Variants in TBCK observed in about 807,000 individuals in gnomAD.
TBCK encodes the protein TBC1 domain containing kinase.
Under a neutral mutation model 113.4 loss-of-function variants are expected in TBCK, and 99 were observed. That is an observed-to-expected ratio of 0.87 (90% CI 0.74 to 1.03). The LOEUF (loss-of-function observed/expected upper bound fraction) is 1.03. TBCK is among the 50% of genes least tolerant of loss of function. The pLI, the probability that TBCK is intolerant of heterozygous loss-of-function variation, is 0.00. For synonymous variants in TBCK, 369 were observed against 370.8 expected (o/e 1.00, Z 0.05); for missense variants, 1,045 against 1,061.3 (o/e 0.98, Z 0.21).
intron 24 of TBCK, among the ~76,000 whole-genome samples, chr4:106,115,647 G>C (rs541365230): frequency 4.6e-5 from 7 of 152,282 alleles, no homozygotes; most frequent in African/African-American, 1.7e-4. Flanking sequence ...AGAAGGAGAA[G>C]AGACTGAACT....
chr4:106,069,282 A>C (rs1387741601), intron 25 of TBCK, among the ~76,000 whole-genome samples: 9 of 152,156 alleles, frequency 5.9e-5, no homozygotes, highest in Admixed American at 6.5e-5. Context: ...TTTTAGGTCT[A>C]ATATTTAAGT....
intron 23 of TBCK, among the ~76,000 whole-genome samples, chr4:106,164,952 T>C (rs1750197952): frequency 6.6e-6 from 1 of 151,668 alleles, no homozygotes; most frequent in South Asian, 2.1e-4. Context: ...TTTATGGTAA[T>C]AGTATATACA....
At position 106,139,298 on chromosome 4, in the gene TBCK, A is replaced by G. The variant is rs1390134450; in HGVS notation, c.2236-22920T>C. Among the ~76,000 whole-genome samples, 2 of 141,716 alleles carry G rather than the reference A, an allele frequency of 1.4e-5. 1 individual carries two copies. The highest frequency in any genetic ancestry group is 4.0e-4 in the East Asian group (2 of 4,946). The allele number at this position is 141,716 out of a possible 152,430, so 93.0% of individuals were successfully genotyped here. ...AATACAAGGTAAACAAGGTCTCTAA[A>G]GTACTTGTGATATTAACTGTTATTG... On this transcript the variant is annotated intron_variant, in intron 23 of 25. Coordinates refer to ENST00000394708, the MANE Select transcript of TBCK (RefSeq NM_001163435.3).
At chr4:106,216,948 C>T (rs1757014981) in intron 19 of TBCK, among the ~76,000 whole-genome samples, 1 of 152,104 alleles carries the variant, frequency 6.6e-6, no homozygotes, top group Non-Finnish European at 1.5e-5. Context: ...CCTTGATGAA[C>T]ATTGATGCAA....
In TBCK at chr4:106,232,969, T is replaced by C. The variant is rs55956749; in HGVS notation, c.1608A>G (p.Val536=). ...AKFRRVLKAW[V]VSHPDLVYWQ... is the part of the protein sequence containing the mutation. ...AATACACAAGATCAGGATGAGACAC[T>C]ACCCAGGCTTTTAATACACGCCTAA... The change falls in exon 17 of 26, where the codon GTA becomes GTG. Residue 536 remains valine (V), a synonymous_variant. Coordinates refer to ENST00000394708, the MANE Select transcript of TBCK (RefSeq NM_001163435.3). 4.8e-4 allele frequency: 781 copies of C among 1,612,270 alleles called. 2 individuals carry two copies. The African/African-American group carries it at 7.6e-3, about 16-fold the overall frequency.
chr4:106,121,799 A>C (rs1440961209), intron 23 of TBCK, among the ~76,000 whole-genome samples: 2 of 152,236 alleles, frequency 1.3e-5, no homozygotes, highest in African/African-American at 4.8e-5. Flanking sequence ...AAATGAAGGC[A>C]GAAATAAAGA....
chr4:106,132,081 AC>A (rs1474032041), intron 23 of TBCK, among the ~76,000 whole-genome samples: 2 of 152,228 alleles, frequency 1.3e-5, no homozygotes, highest in African/African-American at 4.8e-5. Flanking sequence ...TAAAAGAAAA[AC>A]CAATTTTCTG....
chr4:106,258,540 A>C (rs1762214214), intron 5 of TBCK, among the ~76,000 whole-genome samples: 1 of 152,078 alleles, frequency 6.6e-6, no homozygotes, highest in South Asian at 2.1e-4. Context: ...CCAAAGGGTA[A>C]CACAAGACCA....
intron 2 of TBCK, among the ~76,000 whole-genome samples, chr4:106,308,467 G>C (rs1767780295): frequency 6.6e-6 from 1 of 152,098 alleles, no homozygotes; most frequent in Non-Finnish European, 1.5e-5. Flanking sequence ...TGGCATGAAG[G>C]GTTAAATTAG....
chr4:106,304,178 C>CT (rs1282667319), intron 2 of TBCK, among the ~76,000 whole-genome samples: 1 of 152,134 alleles, frequency 6.6e-6, no homozygotes, highest in South Asian at 2.1e-4. Context: ...AGTGGTCACC[C>CT]TGCAGGCTAT....
intron 3 of TBCK, among the ~76,000 whole-genome samples, chr4:106,282,687 C>G (rs1256864228): frequency 6.6e-6 from 1 of 152,042 alleles, no homozygotes; most frequent in Non-Finnish European, 1.5e-5. Flanking sequence ...TCTGTTCTCA[C>G]ATTGCTACAA....
chr4:106,244,737 C>T lies in TBCK; in HGVS notation c.959G>A (p.Arg320Lys). The stretch of plus-strand genomic sequence containing the variant: ...AAGGTAATACACTTCTTCAATAGAT[C>T]TTTCTGCCAGGTAATCATTATTTAT... ...KDINNDYLAE[R>K]SIEEVYYLWC... is the part of the protein sequence containing the mutation. The change falls in exon 11 of 26, where the codon AGA becomes AAA. Residue 320 changes from arginine (R) to lysine (K), a missense_variant. Arg to Lys is a conservative substitution (Grantham distance 26, BLOSUM62 2). Transcript: ENST00000394708. 1 of 1,593,970 alleles carries T rather than the reference C, an allele frequency of 6.3e-7. No individual in the cohort carries two copies. The highest frequency in any genetic ancestry group is 8.6e-7 in the Non-Finnish European group (1 of 1,168,268).
rs549969223 is a variant in TBCK, at chr4:106,209,841, T to A, written c.1860+2909A>T. Among the ~76,000 whole-genome samples the A allele has an allele frequency of 3.0e-4, 46 of 152,276 alleles. 1 individual carries two copies. The highest frequency in any genetic ancestry group is 2.5e-3 in the South Asian group (12 of 4,826). On this transcript the variant is annotated intron_variant, in intron 20 of 25. Coordinates refer to ENST00000394708, the MANE Select transcript of TBCK (RefSeq NM_001163435.3). ...TTATATTTATCTCTTATAAGTACTA[T>A]CAAGATAGATTTTCAAAAATATCTG...
rs545648050 is a variant in TBCK at position 106,096,819 on chromosome 4, T to TTAAG, written c.2412-1182_2412-1179dup. On this transcript the variant is annotated intron_variant, in intron 24 of 25. Transcript: ENST00000394708. ...TTAAGCTTTACATGTAAAATCACCT[T>TTAAG]TAAGTGCCTCTTCCATAAAATTTGT... Among the ~76,000 whole-genome samples, 35 of 152,304 alleles carry TTAAG rather than the reference T, an allele frequency of 2.3e-4. 2 individuals are homozygous for TTAAG. The South Asian group carries it at 6.8e-3, about 30-fold the overall frequency.
At chr4:106,194,802 A>G in intron 20 of TBCK, 48 bp from the exon 21 acceptor site, 1 of 1,468,602 alleles carries the variant, frequency 6.8e-7, no homozygotes, top group Non-Finnish European at 9.3e-7. Flanking sequence ...AGGAAATAAA[A>G]AAGATAATTA....
intron 19 of TBCK, among the ~76,000 whole-genome samples, chr4:106,225,319 T>C (rs1439564805): frequency 6.6e-6 from 1 of 152,220 alleles, no homozygotes; most frequent in African/African-American, 2.4e-5. Flanking sequence ...TGCAATTTTA[T>C]AGAAATCATA....
At position 106,043,073 on chromosome 4, in the gene TBCK, T is replaced by C. The variant is rs1578732507; in HGVS notation, c.*3497A>G. Reference sequence around the variant, plus strand: ...AAAACCTGAGTTCTTGGGGCTTATATTGATACTGGGTATCCCACGGGCCTA... The same window carrying C: ...AAAACCTGAGTTCTTGGGGCTTATACTGATACTGGGTATCCCACGGGCCTA... On this transcript the variant is annotated 3_prime_UTR_variant, in exon 26 of 26. Coordinates refer to ENST00000394708, the MANE Select transcript of TBCK (RefSeq NM_001163435.3). 1 of 152,240 alleles carries C rather than the reference T, an allele frequency of 6.6e-6. No individual in the cohort carries two copies. Among genetic ancestry groups the C allele is most frequent in the Non-Finnish European group, 1.5e-5 (1 of 68,036 alleles). 9.4% of individuals were successfully genotyped at this position (152,240 alleles called of 1,614,324 possible). A position where few individuals can be genotyped will look rare whatever the true frequency, so the allele number is the denominator to read the frequency against.
chr4:106,125,252 A>T (rs541338532), intron 23 of TBCK, among the ~76,000 whole-genome samples: 11 of 152,202 alleles, frequency 7.2e-5, no homozygotes, highest in Non-Finnish European at 1.5e-4. Flanking sequence ...GGAAATGAGG[A>T]TATCGAAGAA....
At chr4:106,191,216 GAT>G (rs1368164595) in intron 22 of TBCK, among the ~76,000 whole-genome samples, 1 of 152,158 alleles carries the variant, frequency 6.6e-6, no homozygotes, top group East Asian at 1.9e-4. Context: ...TATAAAGGTG[GAT>G]GTGCATAGGT....
Sources: allele counts gnomAD v4.1 joint callset (sites outside exome capture counted in the v4.1 genomes callset), GRCh38; gene constraint gnomAD v4.1.1; transcripts MANE v1.5; gene names NCBI Gene and HGNC (gene_info 2026-07-23, HGNC 2026-07-21).